VAV3: variants seen among roughly 807,000 people sequenced by gnomAD.
The protein encoded by VAV3 is guanine nucleotide exchange factor VAV3.
A neutral mutation model predicts 131.2 loss-of-function variants in VAV3; 94 were observed. The observed-to-expected ratio is 0.72, with a 90% CI of 0.61 to 0.85. The LOEUF (loss-of-function observed/expected upper bound fraction) is 0.85. VAV3 is among the 40% of genes least tolerant of loss of function. The pLI is 0.00. For synonymous variants in VAV3, 349 were observed against 342.0 expected, an observed-to-expected ratio of 1.02 and a Z score of -0.22; for missense variants, 939 against 1,002.7, an observed-to-expected ratio of 0.94 and a Z score of 0.86.
At chr1:107,751,277 T>A (rs7518423) in intron 12 of VAV3, 75 bp from the exon 13 acceptor site, 186,964 of 1,189,390 alleles carry the variant, frequency 0.16, 15,788 homozygotes, top group Middle Eastern at 0.26. Flanking sequence ...TAGAGATATT[T>A]ACTCAAGACA....
At chr1:107,605,173 T>C (rs1005371684) in intron 22 of VAV3, among the ~76,000 whole-genome samples, 1 of 152,208 alleles carries the variant, frequency 6.6e-6, no homozygotes, top group African/African-American at 2.4e-5. Flanking sequence ...CTCCCAAAAA[T>C]ACATTTTTCA....
At chr1:107,768,349 A>C (rs1664850106) in intron 7 of VAV3, 92 bp downstream of exon 7, 4 of 925,152 alleles carry the variant, frequency 4.3e-6, no homozygotes, top group Non-Finnish European at 6.5e-6. Flanking sequence ...AAATAATACA[A>C]AAGAGTATTA....
At chr1:107,696,729 A>G (rs377652125) in intron 17 of VAV3, among the ~76,000 whole-genome samples, 6 of 152,286 alleles carry the variant, frequency 3.9e-5, no homozygotes, top group South Asian at 2.1e-4. Flanking sequence ...CTTGCTTTCA[A>G]TTTGGCTGTT....
At chr1:107,627,933 C>T (rs1338146755) in intron 20 of VAV3, among the ~76,000 whole-genome samples, 1 of 152,174 alleles carries the variant, frequency 6.6e-6, no homozygotes, top group African/African-American at 2.4e-5. Flanking sequence ...CTATTTTATT[C>T]TAGGAACTGA....
chr1:107,851,936 A>G (rs145704197), intron 2 of VAV3, among the ~76,000 whole-genome samples: 192 of 152,304 alleles, frequency 1.3e-3, no homozygotes, highest in African/African-American at 4.4e-3. Context: ...ACTAGATACA[A>G]TAAAATGGAA....
intron 1 of VAV3, among the ~76,000 whole-genome samples, chr1:107,906,185 C>G (rs983363498): frequency 6.6e-6 from 1 of 152,196 alleles, no homozygotes; most frequent in African/African-American, 2.4e-5. Context: ...TTATCACAGC[C>G]ACTTACAGAA....
chr1:107,634,520 T>G (rs890529503), intron 20 of VAV3, among the ~76,000 whole-genome samples: 32 of 152,148 alleles, frequency 2.1e-4, no homozygotes, highest in African/African-American at 7.7e-4. Flanking sequence ...ATAAAAACCC[T>G]AGAAGAAAAC....
At chr1:107,613,575 C>G (rs1652915883) in intron 21 of VAV3, among the ~76,000 whole-genome samples, 1 of 151,872 alleles carries the variant, frequency 6.6e-6, no homozygotes, top group South Asian at 2.1e-4. Context: ...GATTTTTGTT[C>G]CCTTTAATTT....
chr1:107,856,383 C>T (rs1669468873), intron 2 of VAV3, among the ~76,000 whole-genome samples: 1 of 152,140 alleles, frequency 6.6e-6, no homozygotes. Context: ...TAAATTTTTA[C>T]ATAGCAATTT....
At chr1:107,623,556 C>T (rs1653768638) in intron 20 of VAV3, among the ~76,000 whole-genome samples, 1 of 152,176 alleles carries the variant, frequency 6.6e-6, no homozygotes, top group Non-Finnish European at 1.5e-5. Context: ...ACAGTCCATT[C>T]CTTTACTCAA....
chr1:107,577,200 C>G (rs1258258446), intron 25 of VAV3, among the ~76,000 whole-genome samples: 1 of 152,206 alleles, frequency 6.6e-6, no homozygotes, highest in Non-Finnish European at 1.5e-5. Flanking sequence ...TGTCACAGCT[C>G]TAAGAGGAAG....
intron 1 of VAV3, among the ~76,000 whole-genome samples, chr1:107,913,507 A>T (rs1366703611): frequency 1.3e-5 from 2 of 152,254 alleles, no homozygotes; most frequent in African/African-American, 4.8e-5. Flanking sequence ...CCATAGCAAG[A>T]ACTCAATTCA....
chr1:107,922,011 C>T (rs1000955058), intron 1 of VAV3, among the ~76,000 whole-genome samples: 5 of 152,176 alleles, frequency 3.3e-5, no homozygotes, highest in Non-Finnish European at 7.4e-5. Context: ...AAGGAATAGA[C>T]ACTAAGTTCT....
chr1:107,843,556 T>C (rs1200806001), intron 2 of VAV3, among the ~76,000 whole-genome samples: 3 of 149,686 alleles, frequency 2.0e-5, no homozygotes, highest in Admixed American at 6.7e-5. Flanking sequence ...TATATTTATA[T>C]ATATATATAT....
chr1:107,915,933 A>G (rs1303748431), intron 1 of VAV3, among the ~76,000 whole-genome samples: 1 of 151,766 alleles, frequency 6.6e-6, no homozygotes, highest in Non-Finnish European at 1.5e-5. Flanking sequence ...TAATAACAAC[A>G]CTGGAAAGCA....
chr1:107,894,056 T>C (rs1671453590), intron 1 of VAV3, among the ~76,000 whole-genome samples: 2 of 152,202 alleles, frequency 1.3e-5, no homozygotes, highest in South Asian at 4.1e-4. Context: ...AGAATACTGA[T>C]TGGGGCTGCA....
intron 2 of VAV3, among the ~76,000 whole-genome samples, chr1:107,835,662 AAGG>A (rs1668445309): frequency 2.0e-5 from 3 of 152,188 alleles, no homozygotes; most frequent in Admixed American, 2.0e-4. Context: ...TAGCCACCAG[AAGG>A]AGATCAGTCA....
At chr1:107,779,394 G>C (rs1400814241) in intron 3 of VAV3, 40 bp downstream of exon 3, 1 of 1,535,180 alleles carries the variant, frequency 6.5e-7, no homozygotes, top group South Asian at 1.3e-5. Context: ...TCATTACACT[G>C]AACTCAATGG....
chr1:107,761,514 G>A (rs1664428455), intron 9 of VAV3, among the ~76,000 whole-genome samples: 1 of 152,058 alleles, frequency 6.6e-6, no homozygotes. Context: ...TTCCCCCAGT[G>A]GACTTATAGA....
Sources: allele counts gnomAD v4.1 joint callset (sites outside exome capture counted in the v4.1 genomes callset), GRCh38; gene constraint gnomAD v4.1.1; transcripts MANE v1.5; gene names NCBI Gene and HGNC (gene_info 2026-07-23, HGNC 2026-07-21).